TENM2: variants seen among roughly 807,000 people sequenced by gnomAD.
The protein encoded by TENM2 is teneurin-2.
TENM2 carries 52 observed loss-of-function variants against 245.2 expected under a neutral mutation model. That is an observed-to-expected ratio of 0.21 (90% confidence interval 0.17 to 0.27). The LOEUF is 0.27. Among genes scored for constraint, TENM2 ranks in the 10% least tolerant of loss-of-function variants. The probability of loss-of-function intolerance (pLI) is 1.00; values close to 1 mark genes in which losing one functional copy is unlikely to be tolerated. For missense variants in TENM2, 3,046 were observed against 3,666.8 expected (o/e 0.83, Z 4.37); for synonymous variants, 1,363 against 1,438.9 (o/e 0.95, Z 1.19).
intron 2 of TENM2, among the ~76,000 whole-genome samples, chr5:167,452,931 T>TTATATATATA (rs1554157697): frequency 4.1e-4 from 2 of 4,884 alleles, no homozygotes; most frequent in East Asian, 6.5e-3. Context: ...AAAGTATGAT[T>TTATATATATA]TATATATATA....
chr5:167,128,553 T>TAAA, the TENM2 span, among the ~76,000 whole-genome samples: 3 of 132,136 alleles, frequency 2.3e-5, no homozygotes, highest in African/African-American at 9.0e-5. Context: ...AGACTTTCAT[T>TAAA]AAAAAAAAAA....
chr5:166,989,528 G>A, the TENM2 span, among the ~76,000 whole-genome samples: 2 of 151,850 alleles, frequency 1.3e-5, no homozygotes, highest in African/African-American at 4.8e-5. Context: ...TTACAGGCAT[G>A]AGCCACAGTG....
chr5:167,133,709 G>A, the TENM2 span, among the ~76,000 whole-genome samples: 1 of 151,190 alleles, frequency 6.6e-6, no homozygotes, highest in South Asian at 2.1e-4. Context: ...TTGTTTCGTA[G>A]GCTTGCCACC....
rs149645864 is a variant in TENM2 at position 168,050,611 on chromosome 5, A to G, written c.1309+3062A>G. ...CAGCAGAAGCAAATTAAATGTAAGC[A>G]AAACACAGGCATGTGAGTCCCATCT... On this transcript the variant is annotated intron_variant, in intron 6 of 28. Transcript: ENST00000518659. Among the ~76,000 whole-genome samples the G allele has an allele frequency of 6.9e-4, 105 of 152,340 alleles. 1 individual carries two copies. Among genetic ancestry groups the G allele is most frequent in the African/African-American group, 2.4e-3 (100 of 41,578 alleles).
chr5:167,008,015 AG>A, the TENM2 span, among the ~76,000 whole-genome samples: 58 of 152,174 alleles, frequency 3.8e-4, no homozygotes, highest in African/African-American at 1.4e-3. Flanking sequence ...ATGTTGCTTG[AG>A]GTGGCACAGT....
chr5:167,901,751 C>T (rs975199987), intron 3 of TENM2, among the ~76,000 whole-genome samples: 4 of 152,128 alleles, frequency 2.6e-5, no homozygotes, highest in African/African-American at 9.7e-5. Context: ...TGGCACATCG[C>T]AATTTTTAAA....
At chr5:167,914,006 T>C (rs1264764766) in intron 3 of TENM2, among the ~76,000 whole-genome samples, 2 of 152,224 alleles carry the variant, frequency 1.3e-5, no homozygotes, top group African/African-American at 4.8e-5. Flanking sequence ...GTTGTTATTA[T>C]GACTACTCTT....
chr5:168,252,236 A>C (rs1397011488), intron 27 of TENM2, among the ~76,000 whole-genome samples: 1 of 151,796 alleles, frequency 6.6e-6, no homozygotes, highest in Non-Finnish European at 1.5e-5. Context: ...AAGTTAGCCA[A>C]GTGTAGTGGT....
chr5:167,326,024 G>T (rs535344744), intron 1 of TENM2, among the ~76,000 whole-genome samples: 2 of 152,296 alleles, frequency 1.3e-5, no homozygotes, highest in Admixed American at 1.3e-4. Context: ...GGGGACATTT[G>T]AATTGGAGCA....
intron 2 of TENM2, among the ~76,000 whole-genome samples, chr5:167,663,493 T>C (rs1755376082): frequency 6.6e-6 from 1 of 152,238 alleles, no homozygotes; most frequent in Admixed American, 6.5e-5. Context: ...TGCTCAGTAC[T>C]AAGATTCTTA....
chr5:167,283,126 C>T (rs1211035676), upstream of TENM2, among the ~76,000 whole-genome samples: 1 of 152,010 alleles, frequency 6.6e-6, no homozygotes, highest in Non-Finnish European at 1.5e-5. Context: ...TCACTGCAAC[C>T]TCTGCCTCCT....
upstream of TENM2, among the ~76,000 whole-genome samples, chr5:167,280,175 G>T (rs1336947331): frequency 6.6e-6 from 1 of 152,168 alleles, no homozygotes; most frequent in Non-Finnish European, 1.5e-5. Flanking sequence ...CAGGGATAGA[G>T]GAATGGAAGT....
At position 167,619,214 on chromosome 5, in the gene TENM2, T is replaced by C. The variant is rs995089221; in HGVS notation, c.502+243741T>C. 1.1e-4 allele frequency among the ~76,000 whole-genome samples: 17 copies of C among 152,118 alleles called. 1 individual carries two copies. ...TTCCATTTGTTTTCTCATCACTGTA[T>C]AGGTCAATATTGTGTCATCAGTAAC... On this transcript the variant is annotated intron_variant, in intron 2 of 28. Coordinates refer to ENST00000518659, the Ensembl canonical transcript of TENM2.
At chr5:167,497,092 C>A (rs143954243) in intron 2 of TENM2, among the ~76,000 whole-genome samples, 2 of 151,386 alleles carry the variant, frequency 1.3e-5, no homozygotes, top group African/African-American at 4.9e-5. Context: ...AAATGGAGGA[C>A]CATGTTATGA....
At position 167,712,357 on chromosome 5, in the gene TENM2, A is replaced by G. The variant is rs150244290; in HGVS notation, c.503-163629A>G. On this transcript the variant is annotated intron_variant, in intron 2 of 28. Transcript: ENST00000518659. ...GGGAAAATTAAAAGTACAAATGTCA[A>G]TTTAAACCAGATTTCAGAAATATGA... 7.4e-3 allele frequency among the ~76,000 whole-genome samples: 1,134 copies of G among 152,300 alleles called. 16 individuals are homozygous for G. Among genetic ancestry groups the G allele is most frequent in the African/African-American group, 0.026 (1,079 of 41,566 alleles).
chr5:167,585,082 CA>C (rs1484462754), intron 2 of TENM2, among the ~76,000 whole-genome samples: 3 of 152,182 alleles, frequency 2.0e-5, no homozygotes, highest in Non-Finnish European at 4.4e-5. Flanking sequence ...CAAAAGACCA[CA>C]AATCATTAAC....
intron 2 of TENM2, among the ~76,000 whole-genome samples, chr5:167,766,880 AAAAAACAAAAAC>A (rs551992747): frequency 9.9e-5 from 15 of 152,264 alleles, no homozygotes; most frequent in African/African-American, 1.4e-4. Context: ...CTCCATCTCA[AAAAAACAAAAAC>A]AAAAACAAAA....
intron 2 of TENM2, among the ~76,000 whole-genome samples, chr5:167,681,691 A>AATACATACATAATACATAC (rs1756718480): frequency 6.6e-6 from 1 of 152,094 alleles, no homozygotes; most frequent in Non-Finnish European, 1.5e-5. Flanking sequence ...AATACATACA[A>AATACATACATAATACATAC]ATATATGTAC....
chr5:167,063,990 T>C, the TENM2 span, among the ~76,000 whole-genome samples: 1 of 152,202 alleles, frequency 6.6e-6, no homozygotes, highest in Non-Finnish European at 1.5e-5. Context: ...CATCTGGCGT[T>C]ATCAGGAGAT....
Sources: allele counts gnomAD v4.1 joint callset (sites outside exome capture counted in the v4.1 genomes callset), GRCh38; gene constraint gnomAD v4.1.1; transcripts MANE v1.5; gene names NCBI Gene and HGNC (gene_info 2026-07-23, HGNC 2026-07-21).